SP100: variants seen among roughly 807,000 people sequenced by gnomAD.
The protein encoded by SP100 is SP100 nuclear body protein.
Under a neutral mutation model 130.0 loss-of-function variants are expected in SP100, and 84 were observed. The observed-to-expected ratio is 0.65, with a 90% CI of 0.54 to 0.77. The LOEUF (loss-of-function observed/expected upper bound fraction) is 0.77. Ranked by LOEUF, SP100 falls within the 30% of genes least tolerant of loss-of-function variation. The probability of loss-of-function intolerance (pLI) is 0.00; values close to 1 mark genes in which losing one functional copy is unlikely to be tolerated. For missense variants in SP100, 978 were observed against 1,052.2 expected (o/e 0.93, Z 0.97); for synonymous variants, 331 against 351.7 (o/e 0.94, Z 0.66).
chr2:230,528,580 A>G (rs930221730), intron 24 of SP100, among the ~76,000 whole-genome samples: 3 of 152,238 alleles, frequency 2.0e-5, no homozygotes, highest in African/African-American at 7.2e-5. Flanking sequence ...CTAAGATCAG[A>G]GCAGAACTGA....
chr2:230,425,548 C>T (rs1326903981), intron 2 of SP100, among the ~76,000 whole-genome samples: 2 of 149,034 alleles, frequency 1.3e-5, no homozygotes, highest in East Asian at 3.9e-4. Context: ...GTTAACGTTG[C>T]ACAACACCAT....
chr2:230,514,951 T>C (rs1303565027), intron 24 of SP100: 9 of 1,375,528 alleles, frequency 6.5e-6, no homozygotes, highest in South Asian at 5.8e-5. Context: ...TCCATAGAGA[T>C]AGTGCTGGCG....
intron 17 of SP100, among the ~76,000 whole-genome samples, chr2:230,491,119 A>G (rs2066369689): frequency 6.6e-6 from 1 of 152,126 alleles, no homozygotes; most frequent in Non-Finnish European, 1.5e-5. Context: ...CCAATCAGTC[A>G]TAGGTTTGGT....
intron 2 of SP100, among the ~76,000 whole-genome samples, chr2:230,442,688 C>A (rs1391417735): frequency 3.3e-5 from 5 of 152,068 alleles, no homozygotes; most frequent in African/African-American, 1.2e-4. Flanking sequence ...GTGAAGGTAT[C>A]TTTACAATGG....
In SP100 at chr2:230,532,916, G is replaced by A. The variant is rs566462652; in HGVS notation, c.2095-6351G>A. Among the ~76,000 whole-genome samples, 8 of 152,232 alleles carry A rather than the reference G, an allele frequency of 5.3e-5. No individual in the cohort carries two copies. The South Asian group carries it at 1.2e-3, about 24-fold the overall frequency. ...CTGCCTCAGCCTCCCCAGTAGCTGGGATTACAGGCGCCCACCACCACGCCT... is the reference window on the plus strand; with the variant it reads ...CTGCCTCAGCCTCCCCAGTAGCTGGAATTACAGGCGCCCACCACCACGCCT... On this transcript the variant is annotated intron_variant, in intron 24 of 28. Transcript: ENST00000340126.
At position 230,494,440 on chromosome 2, in the gene SP100, A is replaced by C. The variant is rs762341702; in HGVS notation, c.1625A>C (p.Lys542Thr). 4.4e-6 allele frequency: 7 copies of C among 1,608,098 alleles called. No homozygotes were observed. The highest frequency in any genetic ancestry group is 6.0e-6 in the Non-Finnish European group (7 of 1,174,632). Reference sequence around the variant, plus strand: ...GGAAAAAAGAGAAGGCATAGATCTAAAGTAAATGGTCTCCAAAGAGGTAAG... The same window carrying C: ...GGAAAAAAGAGAAGGCATAGATCTACAGTAAATGGTCTCCAAAGAGGTAAG... ...KRRKKRRHRS[K>T]VNGLQRGRKK... Residue 542 changes from lysine (K) to threonine (T), a missense_variant, in exon 18 of 29, where the codon AAA becomes ACA. Transcript: ENST00000340126.
intron 8 of SP100, among the ~76,000 whole-genome samples, chr2:230,456,681 A>G (rs1470179717): frequency 5.3e-5 from 8 of 152,104 alleles, no homozygotes; most frequent in African/African-American, 1.7e-4. Context: ...TGCATGATCA[A>G]TTCTGCTGTT....
chr2:230,533,838 A>C (rs1691813309), intron 24 of SP100, among the ~76,000 whole-genome samples: 1 of 152,168 alleles, frequency 6.6e-6, no homozygotes, highest in Non-Finnish European at 1.5e-5. Context: ...AAGATTGTAA[A>C]AGGTTTATGG....
intron 17 of SP100, among the ~76,000 whole-genome samples, chr2:230,492,696 T>C (rs985390741): frequency 2.0e-5 from 3 of 152,252 alleles, no homozygotes; most frequent in Non-Finnish European, 4.4e-5. Context: ...CTCACTTTTA[T>C]TTTTGTCCTT....
rs2065369778 is a variant in SP100 at position 230,473,331 on chromosome 2, G to A, written c.1437G>A (p.Gln479=). 6.2e-7 allele frequency: 1 copy of A among 1,611,228 alleles called. No individual in the cohort carries two copies. Among genetic ancestry groups the A allele is most frequent in the African/African-American group, 1.3e-5 (1 of 74,844 alleles). Residue 479 remains glutamine (Q), a synonymous_variant, in exon 16 of 29, where the codon CAG becomes CAA. Coordinates refer to ENST00000340126, the MANE Select transcript of SP100 (RefSeq NM_001080391.2). ...SSSLRRGSGS[Q]PQEPENKKCS... ...TTACAAATCACAATTTAGGATCACA[G>A]CCACAAGAACCTGAAAATAAGAAGT...
chr2:230,462,882 A>T (rs1049697743), intron 10 of SP100, among the ~76,000 whole-genome samples: 1 of 152,208 alleles, frequency 6.6e-6, no homozygotes, highest in African/African-American at 2.4e-5. Flanking sequence ...AGAACAGAAA[A>T]CTAAATATTC....
At chr2:230,427,996 C>T (rs1323669274) in intron 2 of SP100, among the ~76,000 whole-genome samples, 2 of 152,096 alleles carry the variant, frequency 1.3e-5, no homozygotes, top group African/African-American at 4.8e-5. Context: ...TTTGAGAGGC[C>T]GAGGTGGGTG....
At position 230,543,016 on chromosome 2, in the gene SP100, T is replaced by C; in HGVS notation, c.*70T>C. The C allele has an allele frequency of 2.5e-6, 2 of 807,520 alleles. No homozygotes were observed. Among genetic ancestry groups the C allele is most frequent in the Non-Finnish European group, 2.1e-6 (1 of 478,152 alleles). The allele number at this position is 807,520 out of a possible 1,614,324, so 50.0% of individuals were successfully genotyped here. A position where few individuals can be genotyped will look rare whatever the true frequency, so the allele number is the denominator to read the frequency against. ...CAATGTGCCTGTGGTCCCACTAATC[T>C]GTGACTGCTCCTGTGGAAACTCCAC... On this transcript the variant is annotated 3_prime_UTR_variant, in exon 29 of 29. Coordinates refer to ENST00000340126, the MANE Select transcript of SP100 (RefSeq NM_001080391.2).
chr2:230,433,925 T>C (rs2063171691), intron 2 of SP100, among the ~76,000 whole-genome samples: 2 of 148,720 alleles, frequency 1.3e-5, no homozygotes, highest in African/African-American at 4.9e-5. Flanking sequence ...AAATAAGTTA[T>C]GGGGTTATTA....
At chr2:230,436,927 A>ATATATGTGTATACACACACATATAT (rs879558808) in intron 2 of SP100, among the ~76,000 whole-genome samples, 18 of 79,954 alleles carry the variant, frequency 2.3e-4, no homozygotes, top group Non-Finnish European at 3.4e-4. Context: ...TATACACACA[A>ATATATGTGTATACACACACATATAT]GTGTATACAC....
chr2:230,439,845 G>T (rs547581745), intron 2 of SP100, among the ~76,000 whole-genome samples: 6 of 151,990 alleles, frequency 3.9e-5, no homozygotes, highest in Non-Finnish European at 8.8e-5. Context: ...CTCGGGCTAG[G>T]ACTTCCTGTT....
intron 10 of SP100, among the ~76,000 whole-genome samples, chr2:230,462,962 T>C (rs190623825): frequency 2.6e-5 from 4 of 152,368 alleles, no homozygotes; most frequent in African/African-American, 9.6e-5. Context: ...CTCATCCAAC[T>C]ATCTGGTGTT....
rs149996290 is a variant in SP100 at position 230,539,018 on chromosome 2, C to A, written c.2095-249C>A. On this transcript the variant is annotated intron_variant, in intron 24 of 28. Coordinates refer to ENST00000340126, the MANE Select transcript of SP100 (RefSeq NM_001080391.2). ...ATTGCTCAAAAAATCTCTAATTCAT[C>A]CTATTTTTGTCACTAGTCATCATGT... The A allele has an allele frequency of 9.0e-4, 291 of 322,246 alleles. 7 individuals are homozygous for A. The East Asian group carries it at 0.015, about 16-fold the overall frequency. The allele number at this position is 322,246 out of a possible 1,614,324, so 20.0% of individuals were successfully genotyped here.
chr2:230,520,422 C>G (rs1301890202), intron 24 of SP100, among the ~76,000 whole-genome samples: 1 of 152,124 alleles, frequency 6.6e-6, no homozygotes, highest in Non-Finnish European at 1.5e-5. Flanking sequence ...TTTACACCGC[C>G]CTAGGATTCA....
Sources: allele counts gnomAD v4.1 joint callset (sites outside exome capture counted in the v4.1 genomes callset), GRCh38; gene constraint gnomAD v4.1.1; transcripts MANE v1.5; gene names NCBI Gene and HGNC (gene_info 2026-07-23, HGNC 2026-07-21).